The following DHTKD1 variants were observed in gnomAD, a reference collection of about 807,000 sequenced individuals.
DHTKD1 encodes 2-oxoadipate dehydrogenase complex component E1.
DHTKD1 carries 78 observed loss-of-function variants against 101.8 expected under a neutral mutation model. The ratio of observed to expected loss-of-function variants is 0.77; its 90% CI spans 0.64 to 0.93. The LOEUF (loss-of-function observed/expected upper bound fraction) is 0.93. DHTKD1 is among the 40% of genes least tolerant of loss of function. The probability of loss-of-function intolerance (pLI) is 0.00; values close to 1 mark genes in which losing one functional copy is unlikely to be tolerated. For synonymous variants in DHTKD1, 462 were observed against 450.3 expected (o/e 1.03, Z -0.33); for missense variants, 1,223 against 1,161.7 (o/e 1.05, Z -0.77).
intron 12 of DHTKD1, among the ~76,000 whole-genome samples, chr10:12,112,344 C>G (rs1485308342): frequency 6.6e-6 from 1 of 152,050 alleles, no homozygotes; most frequent in Non-Finnish European, 1.5e-5. Flanking sequence ...CAGATTTTGT[C>G]AACTCTCTTT....
intron 1 of DHTKD1, among the ~76,000 whole-genome samples, chr10:12,074,508 A>G (rs1001871062): frequency 6.6e-6 from 1 of 151,346 alleles, no homozygotes; most frequent in South Asian, 2.1e-4. Context: ...GGTGCCCGCC[A>G]CCATGCCCGG....
chr10:12,100,219 G>C lies in DHTKD1; in HGVS notation c.1713G>C (p.Trp571Cys). 1 of 1,595,324 alleles carries C rather than the reference G, an allele frequency of 6.3e-7. No homozygotes were observed. The change falls in exon 9 of 17, where the codon TGG becomes TGC. Residue 571 changes from tryptophan (W) to cysteine (C), a missense_variant. Physicochemically the swap from Trp to Cys is radical, Grantham distance 215. Coordinates refer to ENST00000263035, the MANE Select transcript of DHTKD1 (RefSeq NM_018706.7). Reference sequence around the variant, plus strand: ...TGATGGACGGAATCAAGCTAGACTGGGCCACCGCGGAAGCTCTTGCCTTGG... The same window carrying C: ...TGATGGACGGAATCAAGCTAGACTGCGCCACCGCGGAAGCTCTTGCCTTGG... ...EKMMDGIKLD[W>C]ATAEALALGS...
Position 12,089,015 on chromosome 10 carries a change from T to C in DHTKD1, c.747T>C (p.Ser249=). The change falls in exon 5 of 17, where the codon AGT becomes AGC. Residue 249 remains serine (S), a synonymous_variant. Transcript: ENST00000263035. ...TGTTCCGTAAAATGCGAGGCTTAAG[T>C]GAATTTCCAGAGAATTTCTCAGCCA... ...ELMFRKMRGL[S]EFPENFSATG... is the part of the protein sequence containing the mutation. 6.2e-7 allele frequency: 1 copy of C among 1,614,116 alleles called. No individual in the cohort carries two copies. Among genetic ancestry groups the C allele is most frequent in the Non-Finnish European group, 8.5e-7 (1 of 1,179,958 alleles).
chr10:12,089,466 T>C (rs184904614), intron 5 of DHTKD1, among the ~76,000 whole-genome samples: 37 of 152,290 alleles, frequency 2.4e-4, no homozygotes, highest in African/African-American at 8.9e-4. Context: ...CCACTTCTGT[T>C]TTCCTTGCAT....
intron 5 of DHTKD1, 53 bp from the exon 6 acceptor site, chr10:12,091,460 T>G: frequency 9.0e-7 from 1 of 1,114,234 alleles, no homozygotes; most frequent in South Asian, 1.8e-5. Context: ...CTAGATTTCT[T>G]AATCCCTTAT....
chr10:12,075,356 G>GT (rs1387831578), intron 1 of DHTKD1, among the ~76,000 whole-genome samples: 12 of 151,650 alleles, frequency 7.9e-5, no homozygotes, highest in Admixed American at 4.6e-4. Flanking sequence ...TTTCTGTGGG[G>GT]TTTTTTTTGG....
chr10:12,098,655 C>T (rs940518709), intron 8 of DHTKD1, among the ~76,000 whole-genome samples: 1 of 152,182 alleles, frequency 6.6e-6, no homozygotes, highest in African/African-American at 2.4e-5. Flanking sequence ...ACCTCCACCT[C>T]CCAGGTTCAA....
intron 16 of DHTKD1, chr10:12,120,488 C>T (rs1397091690): frequency 9.6e-6 from 5 of 519,572 alleles, no homozygotes; most frequent in South Asian, 2.1e-5. Flanking sequence ...CGCCCGCCAC[C>T]ACACCCAGCT....
intron 1 of DHTKD1, among the ~76,000 whole-genome samples, chr10:12,078,324 C>CT (rs1485618904): frequency 2.6e-5 from 4 of 151,886 alleles, no homozygotes; most frequent in Non-Finnish European, 5.9e-5. Context: ...ACTCCGGAGA[C>CT]TGAGATGGGA....
rs185650146 is a variant in DHTKD1 at position 12,098,591 on chromosome 10, A to C, written c.1671+595A>C. Among the ~76,000 whole-genome samples the C allele has an allele frequency of 4.3e-3, 656 of 152,178 alleles. 7 individuals are homozygous for C. Among genetic ancestry groups the C allele is most frequent in the African/African-American group, 0.012 (492 of 41,548 alleles). On this transcript the variant is annotated intron_variant, in intron 8 of 16. Transcript: ENST00000263035. ...TTATTTTATGTTATTTTTGGATGGA[A>C]TCTCACTCTGTCACCCAGGCTGGTG...
intron 3 of DHTKD1, among the ~76,000 whole-genome samples, chr10:12,085,707 C>T (rs188739941): frequency 3.3e-5 from 5 of 152,132 alleles, no homozygotes; most frequent in Admixed American, 2.6e-4. Flanking sequence ...GGTGAAACCC[C>T]GTGTCTACTA....
intron 16 of DHTKD1, 106 bp from the exon 17 acceptor site, chr10:12,120,681 T>C: frequency 1.0e-6 from 1 of 966,110 alleles, no homozygotes; most frequent in Non-Finnish European, 1.6e-6. Flanking sequence ...AGAGGTGATT[T>C]ATGGTTAAAC....
rs142882207 is a variant in DHTKD1 at position 12,077,371 on chromosome 10, G to A, written c.155-4101G>A. 2.6e-3 allele frequency among the ~76,000 whole-genome samples: 399 copies of A among 152,170 alleles called. 3 individuals carry two copies. The highest frequency in any genetic ancestry group is 0.01 in the Middle Eastern group (3 of 294). ...TCTTCCTGAGTAGCTGGGATTACAG[G>A]TGTCTGCCACCAGGCCTGGCTAATT... is the stretch of plus-strand genomic sequence containing the variant. On this transcript the variant is annotated intron_variant, in intron 1 of 16. Transcript: ENST00000263035.
At chr10:12,108,243 T>C (rs1833279686) in intron 12 of DHTKD1, among the ~76,000 whole-genome samples, 1 of 152,200 alleles carries the variant, frequency 6.6e-6, no homozygotes. Context: ...GCAGTTCTTA[T>C]ACCAGGCTGA....
chr10:12,106,174 A>T, intron 10 of DHTKD1, 72 bp from the exon 11 acceptor site: 1 of 1,529,162 alleles, frequency 6.5e-7, no homozygotes, highest in South Asian at 1.1e-5. Flanking sequence ...CCTCCCTTCG[A>T]TAAGTTCGCA....
chr10:12,120,654 G>C (rs557076795), intron 16 of DHTKD1, 133 bp from the exon 17 acceptor site: 7 of 789,420 alleles, frequency 8.9e-6, no homozygotes, highest in African/African-American at 5.1e-5. Context: ...TCTCTTCTGC[G>C]TAACTCATTA....
In DHTKD1 at chr10:12,068,985, A is replaced by G. The variant is rs775058192; in HGVS notation, c.-49A>G. On this transcript the variant is annotated 5_prime_UTR_variant, in exon 1 of 17. Coordinates refer to ENST00000263035, the MANE Select transcript of DHTKD1 (RefSeq NM_018706.7). The stretch of plus-strand genomic sequence containing the variant: ...TCCCGGATTTACCAGGGCCGGTGGG[A>G]TCCCCTCGGGCTCCCGCCTTAGCAT... 3.1e-6 allele frequency: 5 copies of G among 1,606,410 alleles called. No individual in the cohort carries two copies. The highest frequency in any genetic ancestry group is 2.2e-5 in the South Asian group (2 of 90,232).
At chr10:12,071,478 TTTTA>T (rs1832649732) in intron 1 of DHTKD1, among the ~76,000 whole-genome samples, 2 of 152,200 alleles carry the variant, frequency 1.3e-5, no homozygotes, top group African/African-American at 4.8e-5. Flanking sequence ...ATTTTTTAAA[TTTTA>T]TTTATTAGGC....
chr10:12,084,463 C>T (rs763031012), intron 2 of DHTKD1, 77 bp from the exon 3 acceptor site: 3 of 948,384 alleles, frequency 3.2e-6, no homozygotes, highest in Admixed American at 2.1e-5. Flanking sequence ...GAAGAAAATA[C>T]AGTATATAAT....
Sources: gnomAD v4.1 joint callset for allele counts (sites outside exome capture counted in the v4.1 genomes callset) on GRCh38, gnomAD v4.1.1 for gene constraint, MANE v1.5 for transcripts, NCBI Gene and HGNC (gene_info 2026-07-23, HGNC 2026-07-21) for gene names.